Variants in GCNT4 observed in about 807,000 individuals in gnomAD.
The protein encoded by GCNT4 is glucosaminyl (N-acetyl) transferase 4, also known as beta-1,3-galactosyl-O-glycosyl-glycoprotein beta-1,6-N-acetylglucosaminyltransferase 4.
GCNT4 carries 17 observed loss-of-function variants against 31.3 expected under a neutral mutation model. That is an observed-to-expected ratio of 0.54 (90% confidence interval 0.37 to 0.81). GCNT4 has a LOEUF of 0.81. Ranked by LOEUF, GCNT4 falls within the 40% of genes least tolerant of loss-of-function variation. The probability of loss-of-function intolerance (pLI) is 0.00; values close to 1 mark genes in which losing one functional copy is unlikely to be tolerated. For missense variants in GCNT4, 503 were observed against 525.5 expected, an observed-to-expected ratio of 0.96 and a Z score of 0.42; for synonymous variants, 158 against 190.6, an observed-to-expected ratio of 0.83 and a Z score of 1.41.
At chr5:75,020,167 G>A in the GCNT4 span, among the ~76,000 whole-genome samples, 23 of 152,176 alleles carry the variant, frequency 1.5e-4, no homozygotes, top group African/African-American at 5.3e-4. Flanking sequence ...TACTCCACTT[G>A]TTATATAACC....
chr5:75,045,631 G>T (rs559489372), intron 3 of GCNT4, among the ~76,000 whole-genome samples: 6 of 152,114 alleles, frequency 3.9e-5, no homozygotes, highest in Non-Finnish European at 4.4e-5. Context: ...GCCTTCACTC[G>T]TTCAAGAATA....
the GCNT4 span, among the ~76,000 whole-genome samples, chr5:75,019,080 G>A: frequency 5.9e-5 from 9 of 152,072 alleles, no homozygotes; most frequent in Admixed American, 1.3e-4. Flanking sequence ...CCCCAAATTC[G>A]TATGTTGAAA....
chr5:75,018,454 G>T, the GCNT4 span, among the ~76,000 whole-genome samples: 1 of 151,974 alleles, frequency 6.6e-6, no homozygotes, highest in African/African-American at 2.4e-5. Flanking sequence ...GCTAATTTTT[G>T]TATTTTTAGT....
At chr5:75,033,049 A>C (rs1415753448) in intron 3 of GCNT4, among the ~76,000 whole-genome samples, 1 of 152,208 alleles carries the variant, frequency 6.6e-6, no homozygotes, top group Non-Finnish European at 1.5e-5. Context: ...TGGAGTCTCT[A>C]ATTAATGTTA....
At chr5:75,034,095 C>T (rs1263301049) in intron 3 of GCNT4, among the ~76,000 whole-genome samples, 4 of 152,220 alleles carry the variant, frequency 2.6e-5, no homozygotes, top group African/African-American at 9.6e-5. Context: ...AGGTGCAAAG[C>T]CACTTGGTAT....
chr5:75,039,072 GT>G (rs1163813671), intron 3 of GCNT4, among the ~76,000 whole-genome samples: 1 of 150,372 alleles, frequency 6.7e-6, no homozygotes, highest in Admixed American at 6.6e-5. Context: ...CTTATTCACT[GT>G]TTTTTTTTGT....
intron 3 of GCNT4, among the ~76,000 whole-genome samples, chr5:75,038,214 T>C (rs1163974868): frequency 6.6e-6 from 1 of 152,128 alleles, no homozygotes; most frequent in Non-Finnish European, 1.5e-5. Context: ...CTAACAGAGG[T>C]AAACATACTT....
chr5:75,035,359 G>T (rs1227800408), intron 3 of GCNT4, among the ~76,000 whole-genome samples: 1 of 152,164 alleles, frequency 6.6e-6, no homozygotes, highest in East Asian at 1.9e-4. Flanking sequence ...GAAGACTGAG[G>T]AAAAAAGGAC....
intron 2 of GCNT4, among the ~76,000 whole-genome samples, chr5:75,048,599 A>C (rs536455439): frequency 6.6e-6 from 1 of 152,242 alleles, no homozygotes; most frequent in Non-Finnish European, 1.5e-5. Flanking sequence ...TGCGAACCAC[A>C]AAGCTGCAGA....
upstream of GCNT4, among the ~76,000 whole-genome samples, chr5:75,053,126 C>T (rs1743623283): frequency 6.6e-6 from 1 of 151,982 alleles, no homozygotes; most frequent in Non-Finnish European, 1.5e-5. Context: ...CTGCCCTTTC[C>T]CCCCGCTGGC....
At chr5:75,053,598 T>C (rs1166093517), upstream of GCNT4, among the ~76,000 whole-genome samples, 1 of 151,844 alleles carries the variant, frequency 6.6e-6, no homozygotes, top group Non-Finnish European at 1.5e-5. Context: ...GCGCTCTGGG[T>C]TCCCAGGCTC....
At chr5:75,034,099 T>C (rs538966834) in intron 3 of GCNT4, among the ~76,000 whole-genome samples, 1 of 152,298 alleles carries the variant, frequency 6.6e-6, no homozygotes, top group African/African-American at 2.4e-5. Flanking sequence ...GCAAAGCCAC[T>C]TGGTATGGAG....
intron 3 of GCNT4, among the ~76,000 whole-genome samples, chr5:75,039,603 A>G (rs1743273928): frequency 6.6e-6 from 1 of 152,184 alleles, no homozygotes; most frequent in Non-Finnish European, 1.5e-5. Flanking sequence ...CCAATTTCAG[A>G]GCCTATACTA....
At position 75,026,595 on chromosome 5, in the gene GCNT4, T is replaced by C. The variant is rs140638361; in HGVS notation, c.*2081A>G. On this transcript the variant is annotated 3_prime_UTR_variant, in exon 4 of 4. Coordinates refer to ENST00000652361, the MANE Select transcript of GCNT4 (RefSeq NM_001366737.1). ...TCACTCTCTGACATTGAAATGTCAATAGTTTGTACCTATTTTCAAACCACT... is the reference window on the plus strand; with the variant it reads ...TCACTCTCTGACATTGAAATGTCAACAGTTTGTACCTATTTTCAAACCACT... 7.0e-6 allele frequency: 1 copy of C among 142,732 alleles called. No individual in the cohort carries two copies. Among genetic ancestry groups the C allele is most frequent in the African/African-American group, 2.6e-5 (1 of 38,540 alleles). 8.8% of individuals were successfully genotyped at this position (142,732 alleles called of 1,614,324 possible).
downstream of GCNT4, among the ~76,000 whole-genome samples, chr5:75,022,403 A>G (rs1257659824): frequency 6.6e-6 from 1 of 152,228 alleles, no homozygotes; most frequent in Non-Finnish European, 1.5e-5. Context: ...AGAGGTATGT[A>G]TGCTTATTGC....
rs1743011383 is a variant in GCNT4, at chr5:75,029,352, T to C, written c.686A>G (p.Gln229Arg). 1 of 1,614,066 alleles carries C rather than the reference T, an allele frequency of 6.2e-7. No individual in the cohort carries two copies. The highest frequency in any genetic ancestry group is 8.5e-7 in the Non-Finnish European group (1 of 1,180,034). Residue 229 changes from glutamine (Q) to arginine (R), a missense_variant, in exon 4 of 4, where the codon CAA (glutamine) becomes CGA (arginine). Physicochemically the swap from Gln to Arg is conservative, Grantham distance 43. Transcript: ENST00000652361. ...QWKYVINLCG[Q>R]DFPLKSNFEL... Reference sequence around the variant, plus strand: ...AAAATTTGACTTCAGGGGAAAATCTTGCCCACACAAGTTGATAACATATTT... The same window carrying C: ...AAAATTTGACTTCAGGGGAAAATCTCGCCCACACAAGTTGATAACATATTT...
chr5:75,035,218 T>C (rs1743169915), intron 3 of GCNT4, among the ~76,000 whole-genome samples: 1 of 152,266 alleles, frequency 6.6e-6, no homozygotes, highest in African/African-American at 2.4e-5. Context: ...CAGGGCTAAA[T>C]GGCTACAACC....
chr5:75,028,423 ATGAC>A lies in GCNT4; in HGVS notation c.*249_*252del, dbSNP rs1742993121. On this transcript the variant is annotated 3_prime_UTR_variant, in exon 4 of 4. Coordinates refer to ENST00000652361, the MANE Select transcript of GCNT4 (RefSeq NM_001366737.1). The stretch of plus-strand genomic sequence containing the variant: ...ATAGTTAGGTGCTCAATAATGTTTG[ATGAC>A]TGACTGAATGTTTAAGATCTCTGAT... 5 of 465,608 alleles carry A rather than the reference ATGAC, an allele frequency of 1.1e-5. No individual in the cohort carries two copies. Among genetic ancestry groups the A allele is most frequent in the Admixed American group, 3.9e-5 (1 of 25,586 alleles). 28.8% of individuals were successfully genotyped at this position (465,608 alleles called of 1,614,324 possible).
At chr5:75,020,378 G>A (rs1163536158), downstream of GCNT4, among the ~76,000 whole-genome samples, 1 of 152,200 alleles carries the variant, frequency 6.6e-6, no homozygotes, top group Non-Finnish European at 1.5e-5. Context: ...GGCAGACAGA[G>A]GGGGAGCCAG....
Sources: allele counts gnomAD v4.1 joint callset (sites outside exome capture counted in the v4.1 genomes callset), GRCh38; gene constraint gnomAD v4.1.1; transcripts MANE v1.5; gene names NCBI Gene and HGNC (gene_info 2026-07-23, HGNC 2026-07-21).